BCAS3: variants seen among roughly 807,000 people sequenced by gnomAD.
The protein encoded by BCAS3 is BCAS3 microtubule associated cell migration factor.
BCAS3 carries 53 observed loss-of-function variants against 116.1 expected under a neutral mutation model. The observed-to-expected ratio is 0.46, with a 90% CI of 0.37 to 0.57. The LOEUF (loss-of-function observed/expected upper bound fraction) is 0.57. Ranked by LOEUF, BCAS3 falls within the 20% of genes least tolerant of loss-of-function variation. The pLI is 0.00. For synonymous variants in BCAS3, 391 were observed against 408.2 expected, an observed-to-expected ratio of 0.96 and a Z score of 0.51; for missense variants, 917 against 1,165.4, an observed-to-expected ratio of 0.79 and a Z score of 3.10.
rs571852618 is a variant in BCAS3 at position 61,144,498 on chromosome 17, C to T, written c.2425+59934C>T. ...CTGGTAATGCAAAAGTGTTAGACATCCAGTAAGCAGCCCTTTTTAGGCCTA... is the reference window on the plus strand; with the variant it reads ...CTGGTAATGCAAAAGTGTTAGACATTCAGTAAGCAGCCCTTTTTAGGCCTA... On this transcript the variant is annotated intron_variant, in intron 22 of 23. Coordinates refer to ENST00000407086, the MANE Select transcript of BCAS3 (RefSeq NM_017679.5). The surrounding 1 kb of genome is among the most constrained non-coding windows in gnomAD (Gnocchi z 5.0). Among the ~76,000 whole-genome samples the T allele has an allele frequency of 4.6e-5, 7 of 152,306 alleles. No individual in the cohort carries two copies. The highest frequency in any genetic ancestry group is 1.4e-4 in the African/African-American group (6 of 41,572).
chr17:61,154,679 G>A (rs1483541926), intron 22 of BCAS3, among the ~76,000 whole-genome samples: 2 of 152,066 alleles, frequency 1.3e-5, no homozygotes, highest in Admixed American at 1.3e-4. Flanking sequence ...CTGAGCTTAA[G>A]CGACCCTCCC....
chr17:61,193,981 G>A (rs1286404397), intron 22 of BCAS3, among the ~76,000 whole-genome samples: 3 of 151,538 alleles, frequency 2.0e-5, no homozygotes, highest in African/African-American at 4.9e-5. Flanking sequence ...GCCGGGCCTG[G>A]TGGTGGGCAC....
rs1487492860 is a variant in BCAS3, at chr17:61,051,427, C to T, written c.2029+10535C>T. Among the ~76,000 whole-genome samples the T allele has an allele frequency of 6.7e-6, 1 of 149,542 alleles. No homozygotes were observed. Among genetic ancestry groups the T allele is most frequent in the African/African-American group, 2.4e-5 (1 of 41,206 alleles). The stretch of plus-strand genomic sequence containing the variant: ...TGTGATAAAATTGAATAGACCCTCA[C>T]ACACATAAATTGAGTGTAAAACTGT... On this transcript the variant is annotated intron_variant, in intron 19 of 23. Transcript: ENST00000407086. The surrounding 1 kb of genome is among the most constrained non-coding windows in gnomAD (Gnocchi z 4.1).
In BCAS3 at chr17:61,031,230, G is replaced by A. The variant is rs956212689; in HGVS notation, c.1638-3436G>A. On this transcript the variant is annotated intron_variant, in intron 16 of 23. Transcript: ENST00000407086. ...GTGCTTTCCTATGAGGGTTGGGTCA[G>A]CAATCTGTAAATTTACATAATATAC... 3.3e-5 allele frequency among the ~76,000 whole-genome samples: 5 copies of A among 151,972 alleles called. 1 individual carries two copies. In the South Asian group the frequency reaches 1.0e-3, roughly 31 times the overall value.
intron 22 of BCAS3, among the ~76,000 whole-genome samples, chr17:61,321,208 C>G (rs2055184861): frequency 6.6e-6 from 1 of 152,094 alleles, no homozygotes; most frequent in Admixed American, 6.6e-5. Context: ...AAGGCAGATT[C>G]TTCATTTTGC....
At chr17:61,042,891 CAAAAAAAAAAA>C (rs35629825) in intron 19 of BCAS3, among the ~76,000 whole-genome samples, 3,072 of 58,428 alleles carry the variant, frequency 0.053, 199 homozygotes, top group African/African-American at 0.16. Context: ...CTCCATCTCA[CAAAAAAAAAAA>C]AAAAAAAAAA....
chr17:61,102,377 A>G (rs1389490532), intron 22 of BCAS3, among the ~76,000 whole-genome samples: 1 of 152,150 alleles, frequency 6.6e-6, no homozygotes, highest in African/African-American at 2.4e-5. Flanking sequence ...ATAATGAACT[A>G]TCAGTGGTTT....
chr17:61,195,709 CTCTT>C (rs1212809401), intron 22 of BCAS3, among the ~76,000 whole-genome samples: 1 of 151,808 alleles, frequency 6.6e-6, no homozygotes, highest in Non-Finnish European at 1.5e-5. Context: ...GAATTTCTCT[CTCTT>C]TCTCAGGCTG....
At position 60,977,636 on chromosome 17, in the gene BCAS3, A is replaced by G. The variant is rs1009738388; in HGVS notation, c.1222-12335A>G. On this transcript the variant is annotated intron_variant, in intron 14 of 23. Coordinates refer to ENST00000407086, the MANE Select transcript of BCAS3 (RefSeq NM_017679.5). ...CATCTAGCATTAGGTATATCTCCCA[A>G]TGCTATCCCACCCCGCTCCCCCCAC... Among the ~76,000 whole-genome samples, 85 of 150,660 alleles carry G rather than the reference A, an allele frequency of 5.6e-4. 1 individual carries two copies. Among genetic ancestry groups the G allele is most frequent in the African/African-American group, 1.0e-3 (42 of 40,334 alleles).
chr17:60,797,963 G>A (rs1209229186), intron 6 of BCAS3, among the ~76,000 whole-genome samples: 2 of 152,148 alleles, frequency 1.3e-5, no homozygotes, highest in Non-Finnish European at 2.9e-5. Flanking sequence ...GATCATTTGA[G>A]CTGGAAGGTG....
intron 22 of BCAS3, among the ~76,000 whole-genome samples, chr17:61,157,792 C>T (rs977680471): frequency 1.3e-5 from 2 of 152,194 alleles, no homozygotes; most frequent in African/African-American, 4.8e-5. Flanking sequence ...GACACTGTTT[C>T]TCCTAAACAA....
intron 13 of BCAS3, among the ~76,000 whole-genome samples, chr17:60,936,801 C>T (rs529683942): frequency 1.3e-5 from 2 of 152,128 alleles, no homozygotes; most frequent in African/African-American, 4.8e-5. Flanking sequence ...TTCTCCCATT[C>T]TGTAGGTTGC....
intron 6 of BCAS3, among the ~76,000 whole-genome samples, chr17:60,755,698 A>C (rs983664135): frequency 1.3e-5 from 2 of 152,194 alleles, no homozygotes; most frequent in African/African-American, 4.8e-5. Context: ...TCTTTTCAAT[A>C]TGCTTTTCAA....
rs2064778158 is a variant in BCAS3, at chr17:61,007,217, T to G, written c.1487-8534T>G. 6.6e-6 allele frequency among the ~76,000 whole-genome samples: 1 copy of G among 152,054 alleles called. No individual in the cohort carries two copies. Among genetic ancestry groups the G allele is most frequent in the Non-Finnish European group, 1.5e-5 (1 of 67,964 alleles). On this transcript the variant is annotated intron_variant, in intron 15 of 23. Coordinates refer to ENST00000407086, the MANE Select transcript of BCAS3 (RefSeq NM_017679.5). The surrounding 1 kb of genome is among the most constrained non-coding windows in gnomAD (Gnocchi z 4.3). ...TTGTGTTCTTGCATTTTATAAACAT[T>G]GTTTCTAACTGTTGATTTCATCTCC... is the stretch of plus-strand genomic sequence containing the variant.
rs1218725358 is a variant in BCAS3, at chr17:61,302,176, T to TC, written c.2426-66146dup. Among the ~76,000 whole-genome samples the TC allele has an allele frequency of 1.3e-5, 2 of 151,952 alleles. No individual in the cohort carries two copies. Among genetic ancestry groups the TC allele is most frequent in the African/African-American group, 4.8e-5 (2 of 41,360 alleles). On this transcript the variant is annotated intron_variant, in intron 22 of 23. Transcript: ENST00000407086. The surrounding 1 kb of genome is among the most constrained non-coding windows in gnomAD (Gnocchi z 4.4). ...GGAGAAAGAGCCAAAAACTCCCCCC[T>TC]CCCCCGACTCCCAGGGTTCTCCTGT...
At chr17:61,039,756 C>T (rs1296399892) in intron 18 of BCAS3, among the ~76,000 whole-genome samples, 5 of 152,074 alleles carry the variant, frequency 3.3e-5, no homozygotes, top group Non-Finnish European at 7.4e-5. Context: ...CTGTATGTAC[C>T]TTGGAGAATA....
At chr17:60,940,198 C>T (rs1214553569) in intron 13 of BCAS3, among the ~76,000 whole-genome samples, 1 of 152,150 alleles carries the variant, frequency 6.6e-6, no homozygotes, top group Non-Finnish European at 1.5e-5. Context: ...GGCAATATCA[C>T]TGATTTCTAA....
chr17:61,342,874 G>A (rs1049381326), intron 22 of BCAS3, among the ~76,000 whole-genome samples: 2 of 151,454 alleles, frequency 1.3e-5, no homozygotes, highest in African/African-American at 2.4e-5. Context: ...CTCAGCCTCC[G>A]AACTAGCTGG....
chr17:60,747,925 G>C (rs1021908876), intron 6 of BCAS3, among the ~76,000 whole-genome samples: 2 of 151,868 alleles, frequency 1.3e-5, no homozygotes, highest in Non-Finnish European at 2.9e-5. Context: ...TAAACTTGCT[G>C]TTTAGATGGC....
Sources: allele counts gnomAD v4.1 joint callset (sites outside exome capture counted in the v4.1 genomes callset), GRCh38; gene constraint gnomAD v4.1.1; non-coding constraint Gnocchi (gnomAD v3.1); transcripts MANE v1.5; gene names NCBI Gene and HGNC (gene_info 2026-07-23, HGNC 2026-07-21).